EML6: variants seen among roughly 807,000 people sequenced by gnomAD.
The protein encoded by EML6 is echinoderm microtubule-associated protein-like 6.
A neutral mutation model predicts 240.1 loss-of-function variants in EML6; 154 were observed. The observed-to-expected ratio is 0.64, with a 90% CI of 0.56 to 0.73. EML6 has a LOEUF of 0.73. Ranked by LOEUF, EML6 falls within the 30% of genes least tolerant of loss-of-function variation. The pLI is 0.00. For synonymous variants in EML6, 1,148 were observed against 899.0 expected, an observed-to-expected ratio of 1.28 and a Z score of -4.95; for missense variants, 2,964 against 2,474.6, an observed-to-expected ratio of 1.20 and a Z score of -4.20.
chr2:54,819,466 C>G (rs1668226444), intron 4 of EML6, among the ~76,000 whole-genome samples: 1 of 152,138 alleles, frequency 6.6e-6, no homozygotes, highest in African/African-American at 2.4e-5. Flanking sequence ...TGCAAACTGT[C>G]TGGTAGCTCT....
At chr2:54,926,042 A>C (rs986698707) in intron 26 of EML6, among the ~76,000 whole-genome samples, 1 of 152,148 alleles carries the variant, frequency 6.6e-6, no homozygotes, top group Admixed American at 6.5e-5. Flanking sequence ...CACAGCTTTC[A>C]CGAGATTCTC....
intron 2 of EML6, among the ~76,000 whole-genome samples, chr2:54,743,320 G>A (rs903676124): frequency 3.9e-5 from 6 of 152,222 alleles, no homozygotes; most frequent in African/African-American, 1.4e-4. Context: ...GAAAACCCTC[G>A]CAGACGTGGG....
At chr2:54,912,073 A>C (rs765036079) in intron 25 of EML6, among the ~76,000 whole-genome samples, 1 of 152,248 alleles carries the variant, frequency 6.6e-6, no homozygotes, top group Non-Finnish European at 1.5e-5. Flanking sequence ...TCAGTTTGCC[A>C]GTATCTTAAA....
At chr2:54,950,117 G>C (rs1022003470) in intron 29 of EML6, among the ~76,000 whole-genome samples, 2 of 151,422 alleles carry the variant, frequency 1.3e-5, no homozygotes, top group African/African-American at 4.9e-5. Flanking sequence ...AGATGAGAAA[G>C]ACTATAAACC....
intron 12 of EML6, among the ~76,000 whole-genome samples, chr2:54,861,492 C>T (rs530494104): frequency 6.6e-6 from 1 of 152,312 alleles, no homozygotes; most frequent in South Asian, 2.1e-4. Flanking sequence ...CGGTAAATGA[C>T]TGTGCTCAGC....
chr2:54,931,776 C>T (rs1396603593), intron 28 of EML6, among the ~76,000 whole-genome samples: 1 of 152,152 alleles, frequency 6.6e-6, no homozygotes, highest in Non-Finnish European at 1.5e-5. Flanking sequence ...ACGCAGGGTC[C>T]TTAGCACTGT....
intron 2 of EML6, among the ~76,000 whole-genome samples, chr2:54,771,028 G>T (rs1436075397): frequency 6.6e-6 from 1 of 152,118 alleles, no homozygotes; most frequent in East Asian, 1.9e-4. Flanking sequence ...GCTCTGTTTT[G>T]GGTTTAAGAT....
intron 26 of EML6, among the ~76,000 whole-genome samples, chr2:54,926,381 C>T (rs1674547631): frequency 6.6e-6 from 1 of 152,248 alleles, no homozygotes; most frequent in Non-Finnish European, 1.5e-5. Flanking sequence ...GGATTACAGG[C>T]ATGAACCAGT....
At chr2:54,810,362 T>G (rs1292106719) in intron 2 of EML6, among the ~76,000 whole-genome samples, 2 of 152,238 alleles carry the variant, frequency 1.3e-5, no homozygotes, top group Non-Finnish European at 2.9e-5. Context: ...CTAAGGCTCG[T>G]AAGTTATTTG....
At chr2:54,890,807 T>C in intron 17 of EML6, among the ~76,000 whole-genome samples, 1 of 152,226 alleles carries the variant, frequency 6.6e-6, no homozygotes, top group East Asian at 1.9e-4. Context: ...AAATATTTCA[T>C]TACTTTGCTT....
At chr2:54,916,998 C>G (rs1432561516) in intron 26 of EML6, 63 bp downstream of exon 26, 2 of 1,275,570 alleles carry the variant, frequency 1.6e-6, no homozygotes, top group Non-Finnish European at 1.1e-6. Flanking sequence ...AATATTGTAT[C>G]TAAGTGCATT....
intron 28 of EML6, among the ~76,000 whole-genome samples, chr2:54,944,376 C>G (rs956436882): frequency 6.6e-6 from 1 of 152,156 alleles, no homozygotes; most frequent in East Asian, 1.9e-4. Context: ...TACTTCATCC[C>G]CTAAAGACTC....
chr2:54,944,715 G>A (rs1675592757), intron 28 of EML6, among the ~76,000 whole-genome samples: 1 of 152,050 alleles, frequency 6.6e-6, no homozygotes, highest in Non-Finnish European at 1.5e-5. Flanking sequence ...GCTTCTTTCA[G>A]GACATCCTGC....
chr2:54,915,976 A>T (rs909882029), intron 25 of EML6, among the ~76,000 whole-genome samples: 3 of 152,218 alleles, frequency 2.0e-5, no homozygotes, highest in Non-Finnish European at 4.4e-5. Context: ...GTGGAAAGAA[A>T]AACCTCAGTC....
At chr2:54,794,374 A>C (rs1669638447) in intron 2 of EML6, among the ~76,000 whole-genome samples, 1 of 152,108 alleles carries the variant, frequency 6.6e-6, no homozygotes, top group Admixed American at 6.6e-5. Context: ...ATATTATACA[A>C]ATTTTTCTTA....
chr2:54,861,568 A>G (rs915786223), intron 12 of EML6, among the ~76,000 whole-genome samples: 17 of 152,126 alleles, frequency 1.1e-4, no homozygotes, highest in Admixed American at 1.1e-3. Flanking sequence ...GCTACATCAA[A>G]AGTGTCTTGA....
chr2:54,909,045 G>A (rs1673499085), intron 24 of EML6, among the ~76,000 whole-genome samples: 2 of 152,072 alleles, frequency 1.3e-5, no homozygotes, highest in South Asian at 4.1e-4. Context: ...TCTCATTTTT[G>A]GTTTTAAGTG....
At chr2:54,955,140 A>G (rs1676172607) in intron 32 of EML6, among the ~76,000 whole-genome samples, 1 of 152,230 alleles carries the variant, frequency 6.6e-6, no homozygotes, top group South Asian at 2.1e-4. Flanking sequence ...AGGAAACCAC[A>G]TGTTCTCATT....
At chr2:54,790,681 C>G (rs1669387797) in intron 2 of EML6, among the ~76,000 whole-genome samples, 2 of 151,372 alleles carry the variant, frequency 1.3e-5, no homozygotes, top group Non-Finnish European at 2.9e-5. Context: ...ATATTAGTAT[C>G]AGGACCCTAT....
Sources: gnomAD v4.1 joint callset for allele counts (sites outside exome capture counted in the v4.1 genomes callset) on GRCh38, gnomAD v4.1.1 for gene constraint, MANE v1.5 for transcripts, NCBI Gene and HGNC (gene_info 2026-07-23, HGNC 2026-07-21) for gene names.